GALNT2: variants seen among roughly 807,000 people sequenced by gnomAD.
The protein encoded by GALNT2 is UDP-GalNAc:polypeptide N-acetylgalactosaminyltransferase 2.
A neutral mutation model predicts 81.4 loss-of-function variants in GALNT2; 31 were observed. That is an observed-to-expected ratio of 0.38 (90% CI 0.29 to 0.51). The LOEUF (loss-of-function observed/expected upper bound fraction) is 0.51. Among genes scored for constraint, GALNT2 ranks in the 20% least tolerant of loss-of-function variants. GALNT2 has a pLI of 0.87. For missense variants in GALNT2, 629 were observed against 765.7 expected, an observed-to-expected ratio of 0.82 and a Z score of 2.11; for synonymous variants, 303 against 287.4, an observed-to-expected ratio of 1.05 and a Z score of -0.55.
At chr1:230,199,822 C>T (rs995248720) in intron 2 of GALNT2, among the ~76,000 whole-genome samples, 3 of 152,144 alleles carry the variant, frequency 2.0e-5, no homozygotes, top group Admixed American at 1.3e-4. Flanking sequence ...TCAGTAGGCT[C>T]ATGTAGTCTT....
Position 230,181,058 on chromosome 1 carries a change from G to A in GALNT2, c.220+2747G>A, listed in dbSNP as rs184713733. Among the ~76,000 whole-genome samples, 78 of 151,548 alleles carry A rather than the reference G, an allele frequency of 5.1e-4. 1 individual carries two copies. The highest frequency in any genetic ancestry group is 3.4e-3 in the Middle Eastern group (1 of 292). ...AATCATGTGATCTATGAACAAATAG[G>A]ATTTTATTTATTTTCTTCCAATCTT... On this transcript the variant is annotated intron_variant, in intron 2 of 15. Transcript: ENST00000366672.
chr1:230,223,195 T>C (rs1238731912), intron 3 of GALNT2, among the ~76,000 whole-genome samples: 1 of 151,066 alleles, frequency 6.6e-6, no homozygotes, highest in Non-Finnish European at 1.5e-5. Flanking sequence ...TCTTTTCTTT[T>C]TTTTTTTTTT....
chr1:230,079,713 G>T (rs1449700804), intron 1 of GALNT2, among the ~76,000 whole-genome samples: 1 of 152,204 alleles, frequency 6.6e-6, no homozygotes, highest in Non-Finnish European at 1.5e-5. Flanking sequence ...GAGCCGGGAG[G>T]AGAATGTAAT....
intron 3 of GALNT2, among the ~76,000 whole-genome samples, chr1:230,225,618 G>A (rs1033271802): frequency 1.3e-5 from 2 of 152,134 alleles, no homozygotes; most frequent in African/African-American, 4.8e-5. Context: ...GTGACCACAG[G>A]GGGTCAGATT....
intron 1 of GALNT2, among the ~76,000 whole-genome samples, chr1:230,124,372 C>T (rs1193457513): frequency 1.3e-5 from 2 of 152,168 alleles, no homozygotes; most frequent in African/African-American, 4.8e-5. Flanking sequence ...CCCTTCTGAC[C>T]TGATCTGTGG....
At chr1:230,154,039 G>A (rs1662171028) in intron 1 of GALNT2, among the ~76,000 whole-genome samples, 1 of 152,222 alleles carries the variant, frequency 6.6e-6, no homozygotes, top group African/African-American at 2.4e-5. Flanking sequence ...AGAATAATAA[G>A]TCTCTGTCAG....
At chr1:230,198,873 CT>C (rs1262707294) in intron 2 of GALNT2, among the ~76,000 whole-genome samples, 2 of 152,106 alleles carry the variant, frequency 1.3e-5, no homozygotes, top group Non-Finnish European at 2.9e-5. Flanking sequence ...TTTCGCAGCC[CT>C]TTTTAGGATA....
intron 6 of GALNT2, among the ~76,000 whole-genome samples, chr1:230,237,723 C>A (rs1362259290): frequency 6.6e-6 from 1 of 152,070 alleles, no homozygotes; most frequent in Non-Finnish European, 1.5e-5. Flanking sequence ...CATCAGTCCA[C>A]CAAGCCTGGA....
At chr1:230,224,043 A>C (rs1664634444) in intron 3 of GALNT2, among the ~76,000 whole-genome samples, 1 of 152,236 alleles carries the variant, frequency 6.6e-6, no homozygotes, top group African/African-American at 2.4e-5. Context: ...CAGGCAGAGC[A>C]GATAAAAATG....
upstream of GALNT2, among the ~76,000 whole-genome samples, chr1:230,062,338 C>A (rs1659069419): frequency 6.6e-6 from 1 of 152,146 alleles, no homozygotes; most frequent in African/African-American, 2.4e-5. Context: ...TTTCTCCCAA[C>A]TTGTCATTTG....
chr1:230,210,840 G>T (rs186948052), intron 3 of GALNT2, among the ~76,000 whole-genome samples: 28 of 152,330 alleles, frequency 1.8e-4, no homozygotes, highest in Non-Finnish European at 3.2e-4. Flanking sequence ...ATTGATATCA[G>T]TTGTTTTAAG....
At chr1:230,110,070 C>T (rs907295809) in intron 1 of GALNT2, among the ~76,000 whole-genome samples, 2 of 152,186 alleles carry the variant, frequency 1.3e-5, no homozygotes, top group Non-Finnish European at 2.9e-5. Context: ...GTGTGCCTCC[C>T]ACAGGCTGAT....
intron 1 of GALNT2, among the ~76,000 whole-genome samples, chr1:230,118,022 C>T (rs891521592): frequency 6.6e-6 from 1 of 152,208 alleles, no homozygotes; most frequent in Non-Finnish European, 1.5e-5. Flanking sequence ...TCCCTCCCAA[C>T]CCCGATAACC....
chr1:230,242,647 C>T (rs1665234720), intron 6 of GALNT2, among the ~76,000 whole-genome samples: 1 of 152,142 alleles, frequency 6.6e-6, no homozygotes, highest in Non-Finnish European at 1.5e-5. Flanking sequence ...CTCAGCCTCC[C>T]GAGCAGCTAG....
chr1:230,224,716 T>C (rs1391603125), intron 3 of GALNT2, among the ~76,000 whole-genome samples: 2 of 152,222 alleles, frequency 1.3e-5, no homozygotes, highest in Non-Finnish European at 2.9e-5. Context: ...AGTGTGTTTT[T>C]GGATTCTCCG....
chr1:230,247,808 A>C (rs977761498), intron 8 of GALNT2, among the ~76,000 whole-genome samples: 1 of 152,212 alleles, frequency 6.6e-6, no homozygotes, highest in African/African-American at 2.4e-5. Context: ...GCCATTCTTA[A>C]CAGATCTTTA....
intron 14 of GALNT2, among the ~76,000 whole-genome samples, chr1:230,273,546 C>T (rs548595970): frequency 1.3e-5 from 2 of 152,328 alleles, no homozygotes; most frequent in South Asian, 2.1e-4. Context: ...GAAGCCTCAC[C>T]TTCCAGTCCC....
chr1:230,249,127 G>T, intron 8 of GALNT2, 57 bp from the exon 9 acceptor site: 1 of 1,465,866 alleles, frequency 6.8e-7, no homozygotes, highest in South Asian at 1.1e-5. Flanking sequence ...GAATGGGGGT[G>T]TCGGGAGGAA....
intron 2 of GALNT2, among the ~76,000 whole-genome samples, chr1:230,199,485 C>G (rs983706214): frequency 6.6e-6 from 1 of 152,064 alleles, no homozygotes; most frequent in African/African-American, 2.4e-5. Context: ...TCGAGAGATA[C>G]CTAAAACAAA....
Sources: gnomAD v4.1 joint callset for allele counts (sites outside exome capture counted in the v4.1 genomes callset) on GRCh38, gnomAD v4.1.1 for gene constraint, MANE v1.5 for transcripts, NCBI Gene and HGNC (gene_info 2026-07-23, HGNC 2026-07-21) for gene names.